Variants in SPATA6 observed in about 807,000 individuals in gnomAD.
SPATA6 encodes the protein spermatogenesis associated 6, also known as spermatogenesis-associated protein 6.
In SPATA6, 56 loss-of-function variants were observed where a neutral mutation model predicts 65.3. That is an observed-to-expected ratio of 0.86 (90% confidence interval 0.69 to 1.07). The LOEUF (loss-of-function observed/expected upper bound fraction) is 1.07. SPATA6 is among the 50% of genes least tolerant of loss of function. SPATA6 has a pLI of 0.00. For synonymous variants in SPATA6, 199 were observed against 213.2 expected, an observed-to-expected ratio of 0.93 and a Z score of 0.58; for missense variants, 590 against 594.8, an observed-to-expected ratio of 0.99 and a Z score of 0.08.
At chr1:48,393,332 A>G (rs531006398) in intron 8 of SPATA6, 31 of 152,254 alleles carry the variant, frequency 2.0e-4, no homozygotes, top group African/African-American at 7.5e-4. Flanking sequence ...GAATCTAATC[A>G]TGAGGAAAAA....
At chr1:48,280,569 A>G in the SPATA6 span, among the ~76,000 whole-genome samples, 1 of 152,202 alleles carries the variant, frequency 6.6e-6, no homozygotes, top group Non-Finnish European at 1.5e-5. Context: ...ACACAAATAA[A>G]CTAGAAAATC....
intron 9 of SPATA6, among the ~76,000 whole-genome samples, chr1:48,368,440 C>T (rs6700574): frequency 0.097 from 14,819 of 152,226 alleles, 874 homozygotes; most frequent in South Asian, 0.17. Context: ...ACCAATCAGA[C>T]GTAGATTTGG....
chr1:48,289,440 T>G, the SPATA6 span, among the ~76,000 whole-genome samples: 2 of 152,194 alleles, frequency 1.3e-5, no homozygotes, highest in African/African-American at 4.8e-5. Context: ...AGAGAGTCTC[T>G]TCTCCTCCAA....
Position 48,385,357 on chromosome 1 carries a change from A to T in SPATA6, c.869-8T>A. 1 of 1,607,976 alleles carries T rather than the reference A, an allele frequency of 6.2e-7. No homozygotes were observed. Among genetic ancestry groups the T allele is most frequent in the Admixed American group, 1.7e-5 (1 of 58,650 alleles). ...AGCCAAGATGAGAATGATCTGAAAA[A>T]GGAAGTACAAAACAATTAAAGTTTA... On this transcript the variant is annotated splice_polypyrimidine_tract_variant and splice_region_variant and intron_variant, in intron 8 of 12. Transcript: ENST00000371847.
At chr1:48,395,070 A>G (rs1202027054) in intron 8 of SPATA6, among the ~76,000 whole-genome samples, 197 bp downstream of exon 8, 1 of 152,024 alleles carries the variant, frequency 6.6e-6, no homozygotes, top group Non-Finnish European at 1.5e-5. Flanking sequence ...GATTTATAGT[A>G]GCACAGAAAT....
intron 11 of SPATA6, among the ~76,000 whole-genome samples, chr1:48,326,521 CAAA>C (rs1330859768): frequency 1.2e-5 from 1 of 80,114 alleles, no homozygotes. Flanking sequence ...TCATATGAAA[CAAA>C]AAAAAAAAAA....
downstream of SPATA6, among the ~76,000 whole-genome samples, chr1:48,291,722 G>A (rs1644769393): frequency 6.6e-6 from 1 of 152,184 alleles, no homozygotes; most frequent in Non-Finnish European, 1.5e-5. Context: ...GTCCCAGGGA[G>A]CCTGCAGTGG....
At chr1:48,368,022 C>T (rs1173046735) in intron 9 of SPATA6, among the ~76,000 whole-genome samples, 2 of 152,136 alleles carry the variant, frequency 1.3e-5, no homozygotes, top group South Asian at 2.1e-4. Flanking sequence ...ATTTGCTTGT[C>T]TGTATAGTAT....
intron 9 of SPATA6, among the ~76,000 whole-genome samples, chr1:48,382,410 C>T (rs1265764995): frequency 1.6e-4 from 22 of 139,532 alleles, no homozygotes; most frequent in African/African-American, 6.1e-4. Flanking sequence ...TAGGGGCGGC[C>T]GGGCAGAGGC....
intron 11 of SPATA6, among the ~76,000 whole-genome samples, chr1:48,333,554 C>T (rs1049788994): frequency 3.3e-5 from 5 of 152,094 alleles, no homozygotes; most frequent in African/African-American, 4.8e-5. Flanking sequence ...CTCTAGAGAA[C>T]CCTGACTAAT....
intron 9 of SPATA6, among the ~76,000 whole-genome samples, chr1:48,380,946 T>TG (rs1211756708): frequency 6.6e-6 from 1 of 151,968 alleles, no homozygotes; most frequent in Non-Finnish European, 1.5e-5. Context: ...CACGAACTGG[T>TG]GGGGGGCGGG....
chr1:48,280,252 C>G, the SPATA6 span, among the ~76,000 whole-genome samples: 1 of 152,054 alleles, frequency 6.6e-6, no homozygotes, highest in Non-Finnish European at 1.5e-5. Flanking sequence ...AATTGACACC[C>G]TAACATCACA....
At chr1:48,335,403 G>C (rs1199696988) in intron 11 of SPATA6, among the ~76,000 whole-genome samples, 1 of 150,868 alleles carries the variant, frequency 6.6e-6, no homozygotes, top group Non-Finnish European at 1.5e-5. Flanking sequence ...TACAAGGCTA[G>C]AGTAACCAAA....
At chr1:48,350,949 T>C (rs949237744) in intron 11 of SPATA6, among the ~76,000 whole-genome samples, 1 of 151,960 alleles carries the variant, frequency 6.6e-6, no homozygotes, top group Non-Finnish European at 1.5e-5. Flanking sequence ...AATCTAGACA[T>C]CAAATTGAGA....
intron 11 of SPATA6, among the ~76,000 whole-genome samples, chr1:48,353,214 A>G (rs978219994): frequency 1.3e-4 from 20 of 152,042 alleles, no homozygotes; most frequent in Admixed American, 1.3e-3. Context: ...TAAGCAAAAA[A>G]GAAAGCAGAT....
In SPATA6 at chr1:48,411,583, C is replaced by T; in HGVS notation, c.286G>A (p.Glu96Lys). The stretch of plus-strand genomic sequence containing the variant: ...TTTTCGTCATACGTAGACAGTGTTT[C>T]ACCCACTACAAGAAAGATACCCTAT... ...ELIQLVPPVG[E>K]TLSTYDENTR... Residue 96 changes from glutamate (E) to lysine (K), a missense_variant, in exon 5 of 13, where the codon GAA becomes AAA. Transcript: ENST00000371847. 2 of 1,583,706 alleles carry T rather than the reference C, an allele frequency of 1.3e-6. No individual in the cohort carries two copies. The highest frequency in any genetic ancestry group is 1.7e-6 in the Non-Finnish European group (2 of 1,166,874).
At chr1:48,283,717 G>GAAAGAAAGAAAGAAAGAAAGA in the SPATA6 span, among the ~76,000 whole-genome samples, 4 of 134,786 alleles carry the variant, frequency 3.0e-5, no homozygotes, top group African/African-American at 1.3e-4. Flanking sequence ...AAGAAAGAAA[G>GAAAGAAAGAAAGAAAGAAAGA]AAAGAAAATT....
At chr1:48,280,367 C>A in the SPATA6 span, among the ~76,000 whole-genome samples, 1 of 152,050 alleles carries the variant, frequency 6.6e-6, no homozygotes, top group South Asian at 2.1e-4. Context: ...ACACAAAAAA[C>A]CCTTCAAAAA....
intron 11 of SPATA6, among the ~76,000 whole-genome samples, chr1:48,355,045 T>C (rs1401769476): frequency 6.6e-6 from 1 of 152,056 alleles, no homozygotes; most frequent in Non-Finnish European, 1.5e-5. Flanking sequence ...CCAGCACACA[T>C]TGATGATAAA....
Sources: allele counts gnomAD v4.1 joint callset (sites outside exome capture counted in the v4.1 genomes callset), GRCh38; gene constraint gnomAD v4.1.1; transcripts MANE v1.5; gene names NCBI Gene and HGNC (gene_info 2026-07-23, HGNC 2026-07-21).